The following MEF2C variants were observed in gnomAD, a reference collection of about 807,000 sequenced individuals.
MEF2C encodes the protein myocyte enhancer factor 2C.
Under a neutral mutation model 50.5 loss-of-function variants are expected in MEF2C, and 6 were observed. The observed-to-expected ratio is 0.12, with a 90% CI of 0.07 to 0.23. The LOEUF (loss-of-function observed/expected upper bound fraction) is 0.23. MEF2C is among the 10% of genes least tolerant of loss of function. The probability of loss-of-function intolerance (pLI) is 1.00; values close to 1 mark genes in which losing one functional copy is unlikely to be tolerated. For missense variants in MEF2C, 276 were observed against 605.0 expected (o/e 0.46, Z 5.70); for synonymous variants, 183 against 228.0 (o/e 0.80, Z 1.78).
At chr5:88,742,471 A>G (rs1767291032) in intron 6 of MEF2C, 3 of 979,918 alleles carry the variant, frequency 3.1e-6, no homozygotes, top group Non-Finnish European at 3.6e-6. Flanking sequence ...GGATATGAGT[A>G]AAGAAACCAA....
chr5:88,800,050 T>G (rs528828351), intron 3 of MEF2C, among the ~76,000 whole-genome samples: 1 of 152,322 alleles, frequency 6.6e-6, no homozygotes, highest in African/African-American at 2.4e-5. Context: ...AAGGGCCTTG[T>G]GTTTTATTCC....
chr5:88,805,838 T>C (rs1015027558), intron 2 of MEF2C, among the ~76,000 whole-genome samples: 15 of 142,106 alleles, frequency 1.1e-4, no homozygotes, highest in African/African-American at 3.9e-4. Context: ...TTTTTTTTTT[T>C]TTTTTTTTTT....
At chr5:88,866,297 G>T (rs1375611795) in intron 1 of MEF2C, among the ~76,000 whole-genome samples, 1 of 152,208 alleles carries the variant, frequency 6.6e-6, no homozygotes, top group East Asian at 1.9e-4. Context: ...CTTCAACAGT[G>T]AAACAAAGCG....
chr5:88,732,861 A>G (rs146898318), intron 6 of MEF2C, among the ~76,000 whole-genome samples: 1 of 152,356 alleles, frequency 6.6e-6, no homozygotes, highest in East Asian at 1.9e-4. Flanking sequence ...GCTAGAAACT[A>G]GACAGTTGTT....
intron 3 of MEF2C, among the ~76,000 whole-genome samples, chr5:88,768,456 G>T (rs370294624): frequency 1.3e-5 from 2 of 152,202 alleles, no homozygotes; most frequent in African/African-American, 4.8e-5. Flanking sequence ...GTCAGGTGCT[G>T]CCAGTGGTCC....
upstream of MEF2C, among the ~76,000 whole-genome samples, chr5:88,885,016 G>A (rs1207403262): frequency 1.3e-5 from 2 of 152,066 alleles, no homozygotes; most frequent in Non-Finnish European, 2.9e-5. Context: ...GTGAAAGCAA[G>A]AAGGGAAAAT....
chr5:88,871,429 C>A (rs1045150902), intron 1 of MEF2C, among the ~76,000 whole-genome samples: 1 of 151,852 alleles, frequency 6.6e-6, no homozygotes, highest in African/African-American at 2.4e-5. Context: ...TGCTGTTTTA[C>A]CATAGGGAAG....
In MEF2C at chr5:88,734,565, G is replaced by GTTTTTTTTTTTTT. The variant is rs66505441; in HGVS notation, c.638-2677_638-2665dup. On this transcript the variant is annotated intron_variant, in intron 6 of 10. Coordinates refer to ENST00000504921, the MANE Select transcript of MEF2C (RefSeq NM_002397.5). Reference sequence around the variant, plus strand: ...TTCACGGAGGCCTTGAGAAAAGTTTGTTTTTTTTTTTTTTTTTTTTTTTTT... The same window carrying GTTTTTTTTTTTTT: ...TTCACGGAGGCCTTGAGAAAAGTTTGTTTTTTTTTTTTTTTTTTTTTTTTTTTTTTTTTTTTTT... The GTTTTTTTTTTTTT allele has an allele frequency of 1.3e-3, 723 of 541,578 alleles. 40 individuals are homozygous for GTTTTTTTTTTTTT. The highest frequency in any genetic ancestry group is 3.5e-3 in the Middle Eastern group (3 of 854). 33.5% of individuals were successfully genotyped at this position (541,578 alleles called of 1,614,324 possible). A position where few individuals can be genotyped will look rare whatever the true frequency, so the allele number is the denominator to read the frequency against.
At chr5:88,733,394 G>A (rs191781340) in intron 6 of MEF2C, 8 of 985,222 alleles carry the variant, frequency 8.1e-6, no homozygotes, top group Non-Finnish European at 2.4e-6. Flanking sequence ...AAGTCCTTGG[G>A]TTTATATGGT....
intron 3 of MEF2C, among the ~76,000 whole-genome samples, chr5:88,786,146 A>T (rs923069776): frequency 2.6e-5 from 4 of 152,202 alleles, no homozygotes; most frequent in Admixed American, 1.3e-4. Flanking sequence ...GGGAGGAGGG[A>T]AAGAAGCTTC....
At chr5:88,820,008 G>A (rs1400902863) in intron 2 of MEF2C, among the ~76,000 whole-genome samples, 2 of 151,790 alleles carry the variant, frequency 1.3e-5, no homozygotes, top group African/African-American at 4.8e-5. Context: ...AGTAATATTT[G>A]TTGATTTCAC....
intron 4 of MEF2C, among the ~76,000 whole-genome samples, chr5:88,756,835 C>T (rs1216749258): frequency 6.6e-6 from 1 of 150,912 alleles, no homozygotes; most frequent in Non-Finnish European, 1.5e-5. Context: ...TAGTTAAAAA[C>T]ACCAAACTTG....
chr5:88,883,465 T>A (rs937381221), upstream of MEF2C: 1 of 122,390 alleles, frequency 8.2e-6, no homozygotes, highest in Admixed American at 1.1e-4. Flanking sequence ...GGAGAACAGC[T>A]CACAGCGTTT....
intron 1 of MEF2C, among the ~76,000 whole-genome samples, chr5:88,900,749 T>C (rs1336011258): frequency 6.6e-6 from 1 of 152,004 alleles, no homozygotes; most frequent in East Asian, 1.9e-4. Context: ...ACTTATAGTT[T>C]ACTAGTCAAC....
At chr5:88,888,674 A>G (rs956754727) in intron 1 of MEF2C, among the ~76,000 whole-genome samples, 3 of 151,372 alleles carry the variant, frequency 2.0e-5, no homozygotes, top group Non-Finnish European at 4.4e-5. Flanking sequence ...TATTCACCTT[A>G]TAGAAATGCA....
chr5:88,717,676 A>G lies in MEF2C; in HGVS notation c.*4928T>C, dbSNP rs982737513. The G allele has an allele frequency of 8.5e-5, 13 of 152,170 alleles. No individual in the cohort carries two copies. The highest frequency in any genetic ancestry group is 2.4e-4 in the African/African-American group (10 of 41,446). The allele number at this position is 152,170 out of a possible 1,614,324, so 9.4% of individuals were successfully genotyped here. ...CTGGTGGTGTCTTGTTTTCCTTTTC[A>G]GTTTTTAAATTAATCTTTCTATCAA... On this transcript the variant is annotated 3_prime_UTR_variant, in exon 11 of 11. Coordinates refer to ENST00000504921, the MANE Select transcript of MEF2C (RefSeq NM_002397.5).
At chr5:88,739,976 T>C (rs1192326894) in intron 6 of MEF2C, 2 of 985,010 alleles carry the variant, frequency 2.0e-6, no homozygotes, top group Non-Finnish European at 2.4e-6. Flanking sequence ...TAATAATGCA[T>C]AATGTTAAAC....
chr5:88,776,244 T>C (rs1784687850), intron 3 of MEF2C, among the ~76,000 whole-genome samples: 2 of 152,238 alleles, frequency 1.3e-5, no homozygotes, highest in Admixed American at 6.5e-5. Context: ...AATACTTGTA[T>C]ATATTTATAT....
chr5:88,811,931 C>G (rs1562172562), intron 2 of MEF2C, among the ~76,000 whole-genome samples: 1 of 152,126 alleles, frequency 6.6e-6, no homozygotes, highest in Non-Finnish European at 1.5e-5. Flanking sequence ...AATTGCTTAA[C>G]TTACCGGAAC....
Sources: gnomAD v4.1 joint callset for allele counts (sites outside exome capture counted in the v4.1 genomes callset) on GRCh38, gnomAD v4.1.1 for gene constraint, MANE v1.5 for transcripts, NCBI Gene and HGNC (gene_info 2026-07-23, HGNC 2026-07-21) for gene names.